The following TBC1D9B variants were observed in gnomAD, a reference collection of about 807,000 sequenced individuals.
The protein encoded by TBC1D9B is TBC1 domain family, member 9B (with GRAM domain).
In TBC1D9B, 87 loss-of-function variants were observed where a neutral mutation model predicts 121.1. The ratio of observed to expected loss-of-function variants is 0.72; its 90% CI spans 0.60 to 0.86. TBC1D9B has a LOEUF of 0.86. Ranked by LOEUF, TBC1D9B falls within the 40% of genes least tolerant of loss-of-function variation. The probability of loss-of-function intolerance (pLI) is 0.00; values close to 1 mark genes in which losing one functional copy is unlikely to be tolerated. For synonymous variants in TBC1D9B, 668 were observed against 670.1 expected, an observed-to-expected ratio of 1.00 and a Z score of 0.05; for missense variants, 1,540 against 1,628.6, an observed-to-expected ratio of 0.95 and a Z score of 0.94.
chr5:179,890,901 G>A lies in TBC1D9B; in HGVS notation c.1044+478C>T, dbSNP rs142349652. Among the ~76,000 whole-genome samples the A allele has an allele frequency of 0.014, 2,098 of 152,288 alleles. 18 individuals carry two copies. The highest frequency in any genetic ancestry group is 0.023 in the Non-Finnish European group (1,546 of 68,006). Reference sequence around the variant, plus strand: ...AGCCTCACAGGGGAGAGCCGACGCCGCCCCACAGGGGAGAGCCGACCTCTG... The same window carrying A: ...AGCCTCACAGGGGAGAGCCGACGCCACCCCACAGGGGAGAGCCGACCTCTG... On this transcript the variant is annotated intron_variant, in intron 6 of 20. Transcript: ENST00000355235. This position sits in a 1 kb window ranked among gnomAD's most constrained non-coding sequence, Gnocchi z 5.0.
At chr5:179,884,999 G>A (rs149651313) in intron 7 of TBC1D9B, among the ~76,000 whole-genome samples, 298 of 152,132 alleles carry the variant, frequency 2.0e-3, no homozygotes, top group Non-Finnish European at 2.8e-3. Context: ...TCACAATAGC[G>A]TCTCCTGAAT....
At chr5:179,879,224 TG>T in intron 8 of TBC1D9B, 27 bp from the exon 9 acceptor site, 2 of 1,589,914 alleles carry the variant, frequency 1.3e-6, no homozygotes, top group Non-Finnish European at 8.5e-7. Context: ...TCAGGGAGCC[TG>T]GGGGCCGAAG....
chr5:179,876,095 G>C (rs1561637482), intron 10 of TBC1D9B, 58 bp from the exon 11 acceptor site: 16 of 1,459,310 alleles, frequency 1.1e-5, no homozygotes, highest in Non-Finnish European at 1.1e-5. Context: ...AAATAAAACT[G>C]TCTCTCCCCA....
Position 179,885,518 on chromosome 5 carries a change from G to T in TBC1D9B, c.1254+2585C>A, listed in dbSNP as rs918988032. Among the ~76,000 whole-genome samples, 2 of 152,030 alleles carry T rather than the reference G, an allele frequency of 1.3e-5. No individual in the cohort carries two copies. Among genetic ancestry groups the T allele is most frequent in the Admixed American group, 6.5e-5 (1 of 15,272 alleles). Reference sequence around the variant, plus strand: ...GCAGGAGAATCACTTGAACCTGGGAGGCAGAGGATGCAGTGAGCCAAGACT... The same window carrying T: ...GCAGGAGAATCACTTGAACCTGGGATGCAGAGGATGCAGTGAGCCAAGACT... On this transcript the variant is annotated intron_variant, in intron 7 of 20. Transcript: ENST00000355235. This position sits in a 1 kb window ranked among gnomAD's most constrained non-coding sequence, Gnocchi z 4.5.
chr5:179,868,398 C>G (rs915080204), intron 17 of TBC1D9B: 1 of 152,272 alleles, frequency 6.6e-6, no homozygotes, highest in African/African-American at 2.4e-5. Context: ...CCAGGCTGGT[C>G]TCCAACTCCT....
Position 179,904,605 on chromosome 5 carries a change from T to C in TBC1D9B, c.229+97A>G, listed in dbSNP as rs1056284912. 38 of 1,053,150 alleles carry C rather than the reference T, an allele frequency of 3.6e-5. No homozygotes were observed. The highest frequency in any genetic ancestry group is 5.1e-5 in the Non-Finnish European group (36 of 709,028). The allele number at this position is 1,053,150 out of a possible 1,614,324, so 65.2% of individuals were successfully genotyped here. ...CTTGGGCTATGCTGTCAGCAGGGAA[T>C]ACCACCCAGACACGTGGGCTACACA... On this transcript the variant is annotated intron_variant, in intron 2 of 20. Transcript: ENST00000355235. The surrounding 1 kb of genome is among the most constrained non-coding windows in gnomAD (Gnocchi z 4.2).
At chr5:179,887,425 C>T (rs753250488) in intron 7 of TBC1D9B, among the ~76,000 whole-genome samples, 2 of 152,274 alleles carry the variant, frequency 1.3e-5, no homozygotes, top group Non-Finnish European at 2.9e-5. Flanking sequence ...GCTTGCTAAA[C>T]GCCTGCAGCG....
chr5:179,896,584 G>A (rs1255232100), intron 3 of TBC1D9B, among the ~76,000 whole-genome samples: 7 of 151,472 alleles, frequency 4.6e-5, no homozygotes, highest in African/African-American at 1.7e-4. Flanking sequence ...ATGCTGTGGC[G>A]CAATCTTGGC....
Position 179,879,703 on chromosome 5 carries a change from C to T in TBC1D9B, c.1341G>A (p.Glu447=). 6.2e-7 allele frequency: 1 copy of T among 1,614,212 alleles called. No homozygotes were observed. The highest frequency in any genetic ancestry group is 1.1e-5 in the South Asian group (1 of 91,088). The change falls in exon 8 of 21, where the codon GAG becomes GAA. Residue 447 remains glutamate, a synonymous_variant. Coordinates refer to ENST00000355235, the MANE Select transcript of TBC1D9B (RefSeq NM_015043.4). The stretch of plus-strand genomic sequence containing the variant: ...GCAGGCCCTGGGATGCGGTTGGCGC[C>T]TCCTGCGCACAGAAGCTCTGGCGGC... ...LSSRQSFCAQ[E]APTASQGLLK... is the part of the protein sequence containing the mutation.
chr5:179,894,185 G>C (rs571273916), intron 4 of TBC1D9B, among the ~76,000 whole-genome samples: 1 of 152,206 alleles, frequency 6.6e-6, no homozygotes, highest in Non-Finnish European at 1.5e-5. Context: ...CCCTACTAGC[G>C]AGTGGGGGGC....
At position 179,904,723 on chromosome 5, in the gene TBC1D9B, C is replaced by A; in HGVS notation, c.208G>T (p.Val70Phe). The A allele has an allele frequency of 6.4e-7, 1 of 1,573,862 alleles. No individual in the cohort carries two copies. The highest frequency in any genetic ancestry group is 8.6e-7 in the Non-Finnish European group (1 of 1,159,826). Residue 70 changes from valine (V) to phenylalanine (F), a missense_variant, in exon 2 of 21, where the codon GTC becomes TTC. Physicochemically the swap from Val to Phe is conservative, Grantham distance 50. Transcript: ENST00000355235. This position sits in a 1 kb window ranked among gnomAD's most constrained non-coding sequence, Gnocchi z 4.2. ...CTACCACACGCCACTGTCCAGTAGACCTGGGAGTCCTGGGTCTGGTGCAGG... is the reference window on the plus strand; with the variant it reads ...CTACCACACGCCACTGTCCAGTAGAACTGGGAGTCCTGGGTCTGGTGCAGG... ...RILHQTQDSQVYWTVACGSSR... is the reference protein window; with the variant it reads ...RILHQTQDSQFYWTVACGSSR...
intron 8 of TBC1D9B, 99 bp downstream of exon 8, chr5:179,879,529 A>AGGGCCCTGGGCTGACCGCT: frequency 1.3e-6 from 2 of 1,563,762 alleles, no homozygotes; most frequent in Non-Finnish European, 1.8e-6. Context: ...CGGTCAGCCC[A>AGGGCCCTGGGCTGACCGCT]GGGCCCTGAG....
intron 10 of TBC1D9B, among the ~76,000 whole-genome samples, chr5:179,877,280 C>T (rs992651138): frequency 3.3e-5 from 5 of 151,720 alleles, no homozygotes; most frequent in South Asian, 4.2e-4. Context: ...ACCGGAAGAT[C>T]CCCTGGTCCA....
chr5:179,884,942 T>G (rs248218), intron 7 of TBC1D9B, among the ~76,000 whole-genome samples: 1 of 151,878 alleles, frequency 6.6e-6, no homozygotes, highest in Admixed American at 6.6e-5. Context: ...GGTGATGGCA[T>G]AGCAATGTCA....
chr5:179,872,619 C>A, intron 14 of TBC1D9B: 1 of 470,854 alleles, frequency 2.1e-6, no homozygotes, highest in South Asian at 2.8e-5. Context: ...TGGGCGGGCT[C>A]GGCCCAGAGG....
At chr5:179,877,257 C>T (rs553406426) in intron 10 of TBC1D9B, among the ~76,000 whole-genome samples, 1 of 151,646 alleles carries the variant, frequency 6.6e-6, no homozygotes, top group East Asian at 1.9e-4. Flanking sequence ...GGTACATGCC[C>T]TGGGAGGCTG....
chr5:179,899,310 A>T lies in TBC1D9B; in HGVS notation c.230-3T>A, dbSNP rs1582104746. On this transcript the variant is annotated splice_polypyrimidine_tract_variant and splice_region_variant and intron_variant, in intron 2 of 20. Coordinates refer to ENST00000355235, the MANE Select transcript of TBC1D9B (RefSeq NM_015043.4). ...TGTGATCTCTTTGCGGGAAGAACCT[A>T]GAAGAGGTTTGGTAAAGTAAAAGAA... The T allele has an allele frequency of 1.1e-5, 17 of 1,612,834 alleles. No homozygotes were observed. The East Asian group carries it at 3.8e-4, about 36-fold the overall frequency.
rs1173562511 is a variant in TBC1D9B at position 179,863,630 on chromosome 5, T to C, written c.3520A>G (p.Thr1174Ala). 3.7e-6 allele frequency: 6 copies of C among 1,613,808 alleles called. No individual in the cohort carries two copies. Among genetic ancestry groups the C allele is most frequent in the Non-Finnish European group, 5.1e-6 (6 of 1,180,032 alleles). The part of the protein sequence containing the change: ...ACSPTARIGG[T>A]VDTDWCISFE... ...GAGATGCACCAGTCGGTGTCGACGGTGCCGCCGATGCGCGCTGTGGGGCTG... is the reference window on the plus strand; with the variant it reads ...GAGATGCACCAGTCGGTGTCGACGGCGCCGCCGATGCGCGCTGTGGGGCTG... Residue 1174 changes from threonine to alanine, a missense_variant, in exon 21 of 21, where the codon ACC becomes GCC. By Grantham distance (58) the Thr-to-Ala change is moderately conservative. Coordinates refer to ENST00000355235, the MANE Select transcript of TBC1D9B (RefSeq NM_015043.4). This position sits in a 1 kb window ranked among gnomAD's most constrained non-coding sequence, Gnocchi z 4.5.
intron 2 of TBC1D9B, among the ~76,000 whole-genome samples, chr5:179,901,591 T>G (rs1761168514): frequency 6.6e-6 from 1 of 152,042 alleles, no homozygotes; most frequent in Non-Finnish European, 1.5e-5. Context: ...TTGAGATCAG[T>G]CTGGGCAACA....
Sources: gnomAD v4.1 joint callset for allele counts (sites outside exome capture counted in the v4.1 genomes callset) on GRCh38, gnomAD v4.1.1 for gene constraint, Gnocchi (gnomAD v3.1) non-coding constraint, MANE v1.5 for transcripts, NCBI Gene and HGNC (gene_info 2026-07-23, HGNC 2026-07-21) for gene names.